The following MYO9A variants were observed in gnomAD, a reference collection of about 807,000 sequenced individuals.
MYO9A encodes the protein unconventional myosin-IXa.
MYO9A carries 103 observed loss-of-function variants against 293.3 expected under a neutral mutation model. The observed-to-expected ratio is 0.35, with a 90% CI of 0.30 to 0.41. The LOEUF (loss-of-function observed/expected upper bound fraction) is 0.41. Among genes scored for constraint, MYO9A ranks in the 10% least tolerant of loss-of-function variants. The pLI, the probability that MYO9A is intolerant of heterozygous loss-of-function variation, is 1.00. For synonymous variants in MYO9A, 1,001 were observed against 1,035.7 expected, an observed-to-expected ratio of 0.97 and a Z score of 0.64; for missense variants, 2,685 against 3,033.0, an observed-to-expected ratio of 0.89 and a Z score of 2.69.
rs979056896 is a variant in MYO9A, at chr15:71,883,628, G to A, written c.5364C>T (p.Gly1788=). The part of the protein sequence containing the change: ...TQSEVSPLFA[G]TDVIPAHQFP... ...ACTGATGAGCTGGAATCACATCTGT[G>A]CCTGCAAAGAGTGGCGAAACCTCTG... Residue 1788 remains glycine, a synonymous_variant, in exon 28 of 42, where the codon GGC becomes GGT. Transcript: ENST00000356056. The A allele has an allele frequency of 2.5e-6, 4 of 1,613,528 alleles. No individual in the cohort carries two copies. Among genetic ancestry groups the A allele is most frequent in the Non-Finnish European group, 3.4e-6 (4 of 1,179,752 alleles).
intron 13 of MYO9A, among the ~76,000 whole-genome samples, chr15:71,961,326 G>A (rs2075733225): frequency 6.6e-6 from 1 of 152,170 alleles, no homozygotes; most frequent in African/African-American, 2.4e-5. Flanking sequence ...AGTGGATGGA[G>A]ATGCCATATA....
At chr15:71,882,226 G>A (rs2056893391) in intron 28 of MYO9A, among the ~76,000 whole-genome samples, 1 of 152,086 alleles carries the variant, frequency 6.6e-6, no homozygotes, top group South Asian at 2.1e-4. Context: ...AGTCAATGCT[G>A]GTATTTCACC....
chr15:72,023,154 A>C (rs2077554473), intron 4 of MYO9A, among the ~76,000 whole-genome samples: 1 of 152,224 alleles, frequency 6.6e-6, no homozygotes, highest in Admixed American at 6.5e-5. Flanking sequence ...AACTGCAATG[A>C]AAAAGTATCC....
intron 12 of MYO9A, among the ~76,000 whole-genome samples, chr15:71,972,823 AT>A (rs1021713656): frequency 2.0e-5 from 3 of 152,154 alleles, no homozygotes; most frequent in African/African-American, 4.8e-5. Context: ...CACCCAAGGT[AT>A]GAAGCCATAG....
At chr15:71,914,513 T>C (rs1196624006) in intron 19 of MYO9A, among the ~76,000 whole-genome samples, 1 of 152,146 alleles carries the variant, frequency 6.6e-6, no homozygotes, top group Non-Finnish European at 1.5e-5. Flanking sequence ...ACCTTTATAA[T>C]AAGTATAATA....
intron 34 of MYO9A, 42 bp downstream of exon 34, chr15:71,859,693 A>C: frequency 6.6e-7 from 1 of 1,514,948 alleles, no homozygotes; most frequent in Non-Finnish European, 9.1e-7. Flanking sequence ...ACAAAAGACC[A>C]ACAGGTCTGT....
At chr15:71,839,405 T>TC (rs1309194696) in intron 39 of MYO9A, among the ~76,000 whole-genome samples, 3 of 151,788 alleles carry the variant, frequency 2.0e-5, no homozygotes, top group East Asian at 4.0e-4. Flanking sequence ...TCAGGTTTTT[T>TC]TTTTCTTTCT....
chr15:72,087,207 C>T (rs1157656868), intron 1 of MYO9A, among the ~76,000 whole-genome samples: 1 of 152,188 alleles, frequency 6.6e-6, no homozygotes, highest in Non-Finnish European at 1.5e-5. Flanking sequence ...AAGAGGCCAG[C>T]AGACCAAAGC....
chr15:71,898,139 A>T lies in MYO9A; in HGVS notation c.4364T>A (p.Leu1455His). Residue 1455 changes from leucine (L) to histidine (H), a missense_variant, in exon 25 of 42, where the codon CTT becomes CAT. Physicochemically the swap from Leu to His is moderately conservative, Grantham distance 99. Coordinates refer to ENST00000356056, the MANE Select transcript of MYO9A (RefSeq NM_006901.4). Reference protein sequence around the residue: ...LENEDTAGEALTLDINRETRR... With the variant: ...LENEDTAGEAHTLDINRETRR... ...AGTTTCCCTGTTGATATCCAAAGTA[A>T]GAGCTTCCCCCGCTGTGTCTTCATT... 2 of 1,614,122 alleles carry T rather than the reference A, an allele frequency of 1.2e-6. No individual in the cohort carries two copies. Among genetic ancestry groups the T allele is most frequent in the Non-Finnish European group, 8.5e-7 (1 of 1,180,000 alleles).
chr15:71,860,029 C>G (rs1335780731), intron 33 of MYO9A, among the ~76,000 whole-genome samples: 1 of 152,084 alleles, frequency 6.6e-6, no homozygotes, highest in Non-Finnish European at 1.5e-5. Context: ...AATGAAAAAG[C>G]TTTTTGTTCT....
At chr15:71,880,816 T>C (rs2142511237) in intron 28 of MYO9A, among the ~76,000 whole-genome samples, 1 of 152,292 alleles carries the variant, frequency 6.6e-6, no homozygotes, top group Non-Finnish European at 1.5e-5. Context: ...TGAAGTCTGA[T>C]ATTAAAAACC....
chr15:71,949,839 G>A (rs2059011197), intron 15 of MYO9A, among the ~76,000 whole-genome samples: 1 of 151,982 alleles, frequency 6.6e-6, no homozygotes, highest in Non-Finnish European at 1.5e-5. Context: ...TAATAAGCCA[G>A]TATGGTGGTG....
intron 9 of MYO9A, among the ~76,000 whole-genome samples, chr15:71,997,425 C>T (rs187505927): frequency 2.4e-3 from 360 of 151,948 alleles, no homozygotes; most frequent in Admixed American, 3.5e-3. Context: ...ATGGTGAAAC[C>T]CCATCTCTAC....
At chr15:71,831,809 A>C (rs1380316102) in intron 39 of MYO9A, among the ~76,000 whole-genome samples, 2 of 152,240 alleles carry the variant, frequency 1.3e-5, no homozygotes, top group African/African-American at 4.8e-5. Context: ...ACTAGTAAAA[A>C]TGACAGAAAA....
At chr15:71,940,556 T>A (rs1552133) in intron 15 of MYO9A, among the ~76,000 whole-genome samples, 99,696 of 151,256 alleles carry the variant, frequency 0.66, 33,596 homozygotes, top group Middle Eastern at 0.74. Flanking sequence ...AATGAAATTT[T>A]TAAAAGTATA....
At chr15:71,907,179 G>T (rs569579352) in intron 19 of MYO9A, among the ~76,000 whole-genome samples, 5 of 150,550 alleles carry the variant, frequency 3.3e-5, no homozygotes, top group East Asian at 3.9e-4. Context: ...CACCTATGAG[G>T]GAGAATATGC....
intron 32 of MYO9A, among the ~76,000 whole-genome samples, chr15:71,870,940 T>G (rs183693279): frequency 2.4e-4 from 37 of 152,306 alleles, no homozygotes; most frequent in African/African-American, 8.7e-4. Flanking sequence ...AAAAGAAATA[T>G]ATCATTCAAC....
chr15:71,838,297 G>A, intron 39 of MYO9A, among the ~76,000 whole-genome samples: 1 of 151,740 alleles, frequency 6.6e-6, no homozygotes, highest in East Asian at 1.9e-4. Context: ...TTTCCTTATG[G>A]TCATTTTTGT....
At chr15:71,889,057 T>C (rs1473223979) in intron 26 of MYO9A, among the ~76,000 whole-genome samples, 1 of 152,098 alleles carries the variant, frequency 6.6e-6, no homozygotes, top group African/African-American at 2.4e-5. Context: ...CAGGTGAAAC[T>C]TGACAGACTC....
Sources: gnomAD v4.1 joint callset for allele counts (sites outside exome capture counted in the v4.1 genomes callset) on GRCh38, gnomAD v4.1.1 for gene constraint, MANE v1.5 for transcripts, NCBI Gene and HGNC (gene_info 2026-07-23, HGNC 2026-07-21) for gene names.